Variants in BMP5 observed in about 807,000 individuals in gnomAD.
BMP5 encodes the protein bone morphogenetic protein 5.
Under a neutral mutation model 46.6 loss-of-function variants are expected in BMP5, and 23 were observed. The ratio of observed to expected loss-of-function variants is 0.49; its 90% confidence interval spans 0.35 to 0.70. BMP5 has a LOEUF of 0.70. Ranked by LOEUF, BMP5 falls within the 30% of genes least tolerant of loss-of-function variation. The pLI is 0.00. For missense variants in BMP5, 545 were observed against 565.6 expected, an observed-to-expected ratio of 0.96 and a Z score of 0.37; for synonymous variants, 204 against 191.9, an observed-to-expected ratio of 1.06 and a Z score of -0.52.
intron 1 of BMP5, among the ~76,000 whole-genome samples, chr6:55,839,780 G>A (rs1776906711): frequency 6.6e-6 from 1 of 151,992 alleles, no homozygotes; most frequent in South Asian, 2.1e-4. Context: ...CTTTTCCCTA[G>A]TGAATAATGA....
chr6:55,774,933 A>C (rs1582054148), intron 3 of BMP5, among the ~76,000 whole-genome samples: 1 of 152,090 alleles, frequency 6.6e-6, no homozygotes, highest in East Asian at 1.9e-4. Context: ...AAATTTTGGA[A>C]TTCCTCCCCT....
At chr6:55,846,050 C>T (rs560802277) in intron 1 of BMP5, among the ~76,000 whole-genome samples, 3 of 151,890 alleles carry the variant, frequency 2.0e-5, no homozygotes, top group Non-Finnish European at 2.9e-5. Flanking sequence ...TAATGAGTCC[C>T]TCATAGTGAA....
intron 3 of BMP5, among the ~76,000 whole-genome samples, chr6:55,776,279 T>C (rs1006316024): frequency 1.3e-5 from 2 of 151,948 alleles, no homozygotes; most frequent in Admixed American, 1.3e-4. Context: ...CAGCTCAGAC[T>C]TCCTCCTTCT....
At chr6:55,780,423 A>T (rs1264345393) in intron 3 of BMP5, among the ~76,000 whole-genome samples, 1 of 133,380 alleles carries the variant, frequency 7.5e-6, no homozygotes, top group African/African-American at 2.8e-5. Flanking sequence ...GATCGAGACC[A>T]TTCTGGTTAA....
chr6:55,819,494 A>G (rs998225395), intron 2 of BMP5, among the ~76,000 whole-genome samples, 161 bp downstream of exon 2: 2 of 152,140 alleles, frequency 1.3e-5, no homozygotes, highest in Admixed American at 6.6e-5. Flanking sequence ...AAATTTTCAG[A>G]TCGATTACGG....
At chr6:55,841,961 A>G (rs1776971764) in intron 1 of BMP5, among the ~76,000 whole-genome samples, 1 of 150,638 alleles carries the variant, frequency 6.6e-6, no homozygotes, top group African/African-American at 2.5e-5. Context: ...ATCCTTAAAC[A>G]TATTTATGCA....
intron 1 of BMP5, among the ~76,000 whole-genome samples, chr6:55,845,480 G>T (rs917744061): frequency 6.6e-6 from 1 of 151,906 alleles, no homozygotes; most frequent in African/African-American, 2.4e-5. Flanking sequence ...GTGTGAATAT[G>T]TAACACTTCC....
chr6:55,756,011 A>G (rs3798849), intron 6 of BMP5, among the ~76,000 whole-genome samples: 140,808 of 151,992 alleles, frequency 0.93, 65,371 homozygotes, highest in African/African-American at 0.98. Flanking sequence ...TAGTTGAAAT[A>G]ACTGTTCCTA....
At chr6:55,772,660 T>TA (rs1194011326) in intron 4 of BMP5, 16 of 700,824 alleles carry the variant, frequency 2.3e-5, no homozygotes, top group Non-Finnish European at 2.6e-5. Context: ...TGAATATCTT[T>TA]AAAAAATAGC....
intron 3 of BMP5, among the ~76,000 whole-genome samples, chr6:55,779,707 A>G (rs1420698557): frequency 6.6e-6 from 1 of 151,998 alleles, no homozygotes; most frequent in Non-Finnish European, 1.5e-5. Context: ...TCTAGCTACA[A>G]ATTTCAACTT....
chr6:55,842,760 T>G (rs1221315289), intron 1 of BMP5, among the ~76,000 whole-genome samples: 1 of 152,032 alleles, frequency 6.6e-6, no homozygotes, highest in Non-Finnish European at 1.5e-5. Context: ...AAAAGTTGCC[T>G]TATTTTTTTT....
chr6:55,819,580 C>T, intron 2 of BMP5, 75 bp downstream of exon 2: 1 of 1,186,252 alleles, frequency 8.4e-7, no homozygotes, highest in Non-Finnish European at 1.2e-6. Context: ...TGATAGATCA[C>T]ATGAGTTATC....
intron 3 of BMP5, 128 bp from the exon 4 acceptor site, chr6:55,774,371 G>C (rs940179861): frequency 2.4e-6 from 2 of 819,012 alleles, no homozygotes; most frequent in Admixed American, 2.2e-5. Context: ...TTCCTTACAG[G>C]CCAAGATTCT....
chr6:55,815,650 A>G (rs1433550337), intron 2 of BMP5, among the ~76,000 whole-genome samples: 3 of 152,178 alleles, frequency 2.0e-5, no homozygotes, highest in Admixed American at 1.3e-4. Flanking sequence ...TATTTTTTAA[A>G]TCAGGTATAA....
intron 2 of BMP5, among the ~76,000 whole-genome samples, chr6:55,808,686 C>G (rs1776050757): frequency 6.6e-6 from 1 of 152,200 alleles, no homozygotes; most frequent in Non-Finnish European, 1.5e-5. Context: ...AGCATGCTCA[C>G]TCACCACCTC....
At chr6:55,770,913 G>T (rs1775033442) in intron 4 of BMP5, among the ~76,000 whole-genome samples, 1 of 151,784 alleles carries the variant, frequency 6.6e-6, no homozygotes, top group Non-Finnish European at 1.5e-5. Flanking sequence ...AAAATTTGTG[G>T]TGTCACAAAA....
intron 1 of BMP5, among the ~76,000 whole-genome samples, chr6:55,868,470 C>T (rs1777701281): frequency 1.3e-5 from 2 of 152,016 alleles, no homozygotes; most frequent in Admixed American, 6.6e-5. Context: ...CCTTCCAAGC[C>T]GAGGTTAATG....
intron 1 of BMP5, among the ~76,000 whole-genome samples, chr6:55,866,657 G>C (rs552319307): frequency 6.6e-6 from 1 of 152,244 alleles, no homozygotes; most frequent in South Asian, 2.1e-4. Flanking sequence ...GGCAATTGCA[G>C]TCCGCAGTTC....
intron 5 of BMP5, among the ~76,000 whole-genome samples, chr6:55,759,986 T>C (rs1236663570): frequency 6.6e-6 from 1 of 151,848 alleles, no homozygotes; most frequent in African/African-American, 2.4e-5. Flanking sequence ...TTTGGTGAAA[T>C]TTTCCTCCTC....
Sources: allele counts gnomAD v4.1 joint callset (sites outside exome capture counted in the v4.1 genomes callset), GRCh38; gene constraint gnomAD v4.1.1; transcripts MANE v1.5; gene names NCBI Gene and HGNC (gene_info 2026-07-23, HGNC 2026-07-21).